The following RBFOX1 variants were observed in gnomAD, a reference collection of about 807,000 sequenced individuals.
RBFOX1 encodes RNA binding fox-1 homolog 1.
In RBFOX1, 8 loss-of-function variants were observed where a neutral mutation model predicts 57.7. That is an observed-to-expected ratio of 0.14 (90% CI 0.08 to 0.25). RBFOX1 has a LOEUF of 0.25. Among genes scored for constraint, RBFOX1 ranks in the 10% least tolerant of loss-of-function variants. The pLI is 1.00. For missense variants in RBFOX1, 611 were observed against 548.5 expected, an observed-to-expected ratio of 1.11 and a Z score of -1.14; for synonymous variants, 326 against 222.4, an observed-to-expected ratio of 1.47 and a Z score of -4.15.
intron 2 of RBFOX1, among the ~76,000 whole-genome samples, chr16:6,571,864 A>T (rs1217869687): frequency 6.6e-6 from 1 of 152,152 alleles, no homozygotes; most frequent in Admixed American, 6.5e-5. Flanking sequence ...ATTGAGGATG[A>T]TATTTCTTTT....
intron 3 of RBFOX1, among the ~76,000 whole-genome samples, chr16:6,756,399 G>C (rs1381863636): frequency 6.6e-6 from 1 of 152,070 alleles, no homozygotes; most frequent in Admixed American, 6.5e-5. Context: ...TTAAGACACT[G>C]GCCTAGGCAA....
chr16:6,897,527 C>T (rs947836905), intron 3 of RBFOX1, among the ~76,000 whole-genome samples: 3 of 152,234 alleles, frequency 2.0e-5, no homozygotes, highest in African/African-American at 7.2e-5. Context: ...GGTGCAGTGG[C>T]TCACGCCTGT....
intron 4 of RBFOX1, among the ~76,000 whole-genome samples, chr16:7,287,501 C>T (rs374965551): frequency 3.3e-5 from 5 of 152,278 alleles, no homozygotes; most frequent in African/African-American, 1.2e-4. Context: ...CTGTATTCCC[C>T]ACAGGCCATG....
At chr16:5,772,684 A>G (rs992554678) in intron 3 of RBFOX1, among the ~76,000 whole-genome samples, 1 of 152,170 alleles carries the variant, frequency 6.6e-6, no homozygotes, top group Admixed American at 6.6e-5. Flanking sequence ...AGGAGAAACG[A>G]TAGTTTGGAC....
chr16:6,961,363 A>T (rs1264076660), intron 3 of RBFOX1, among the ~76,000 whole-genome samples: 1 of 152,124 alleles, frequency 6.6e-6, no homozygotes, highest in Non-Finnish European at 1.5e-5. Context: ...ACCGTGTTCA[A>T]ACTGTAGTAA....
intron 3 of RBFOX1, among the ~76,000 whole-genome samples, chr16:6,956,118 C>T (rs966104323): frequency 6.6e-6 from 1 of 152,012 alleles, no homozygotes; most frequent in Non-Finnish European, 1.5e-5. Context: ...GCCACAGAGG[C>T]TGGAGTTGTA....
At chr16:6,068,166 T>C (rs1208535595) in intron 1 of RBFOX1, among the ~76,000 whole-genome samples, 1 of 152,208 alleles carries the variant, frequency 6.6e-6, no homozygotes. Context: ...GTGTTTCTTA[T>C]ACGTCTGCTC....
chr16:6,709,296 T>G (rs1162195986), intron 3 of RBFOX1, among the ~76,000 whole-genome samples: 1 of 152,192 alleles, frequency 6.6e-6, no homozygotes, highest in East Asian at 1.9e-4. Context: ...AAGACAGATC[T>G]GAAAGGCAAG....
At chr16:6,249,981 A>G (rs1214774516) in intron 1 of RBFOX1, among the ~76,000 whole-genome samples, 1 of 152,040 alleles carries the variant, frequency 6.6e-6, no homozygotes, top group Non-Finnish European at 1.5e-5. Flanking sequence ...GTGGAGCAGG[A>G]AATGGCTTGT....
At chr16:7,225,905 A>AATCAATAAATAT (rs1555600462) in intron 4 of RBFOX1, among the ~76,000 whole-genome samples, 1 of 93,752 alleles carries the variant, frequency 1.1e-5, no homozygotes, top group African/African-American at 4.8e-5. Flanking sequence ...AAGTATAATA[A>AATCAATAAATAT]ATATATATAT....
intron 3 of RBFOX1, among the ~76,000 whole-genome samples, chr16:7,029,040 A>C (rs1227135788): frequency 1.6e-5 from 2 of 127,738 alleles, no homozygotes; most frequent in South Asian, 4.6e-4. Flanking sequence ...AACAGAAAAA[A>C]AAAAGCTATA....
chr16:6,970,775 C>G (rs956488109), intron 3 of RBFOX1, among the ~76,000 whole-genome samples: 1 of 152,174 alleles, frequency 6.6e-6, no homozygotes, highest in Non-Finnish European at 1.5e-5. Flanking sequence ...CCCCCTTTAA[C>G]CTGAATTGGG....
intron 1 of RBFOX1, among the ~76,000 whole-genome samples, chr16:5,431,958 G>A (rs565787296): frequency 6.6e-6 from 1 of 152,268 alleles, no homozygotes; most frequent in African/African-American, 2.4e-5. Flanking sequence ...CTTTTTGGGG[G>A]TGTTGAGGGG....
intron 4 of RBFOX1, among the ~76,000 whole-genome samples, chr16:7,486,556 C>G (rs1266666095): frequency 1.3e-5 from 2 of 152,080 alleles, no homozygotes; most frequent in African/African-American, 4.8e-5. Flanking sequence ...CAGCATCTCC[C>G]CTGTAGAGTG....
chr16:6,008,878 G>T (rs1056526104), intron 4 of RBFOX1, among the ~76,000 whole-genome samples: 2 of 152,152 alleles, frequency 1.3e-5, no homozygotes, highest in Admixed American at 1.3e-4. Flanking sequence ...AAGCAAGCTC[G>T]TCTTAGAGCT....
intron 1 of RBFOX1, among the ~76,000 whole-genome samples, chr16:6,243,626 C>T (rs1020662587): frequency 6.6e-6 from 1 of 152,168 alleles, no homozygotes; most frequent in African/African-American, 2.4e-5. Flanking sequence ...CCTCAGATTC[C>T]CCTGTGGCCC....
intron 3 of RBFOX1, among the ~76,000 whole-genome samples, chr16:6,964,981 C>G (rs762420657): frequency 1.3e-5 from 2 of 152,150 alleles, no homozygotes; most frequent in Admixed American, 6.5e-5. Flanking sequence ...GTGGCCTATC[C>G]TACGTGCTTC....
At chr16:6,122,181 C>T (rs946277696) in intron 1 of RBFOX1, among the ~76,000 whole-genome samples, 1 of 152,156 alleles carries the variant, frequency 6.6e-6, no homozygotes, top group Non-Finnish European at 1.5e-5. Context: ...GCTGGGATTA[C>T]AGGCGTGAGC....
chr16:7,495,452 C>G (rs796287126), intron 4 of RBFOX1, among the ~76,000 whole-genome samples: 7 of 152,316 alleles, frequency 4.6e-5, no homozygotes, highest in African/African-American at 1.7e-4. Flanking sequence ...TATCAGCCAT[C>G]CTTTTTCTCT....
Sources: gnomAD v4.1 joint callset for allele counts (sites outside exome capture counted in the v4.1 genomes callset) on GRCh38, gnomAD v4.1.1 for gene constraint, MANE v1.5 for transcripts, NCBI Gene and HGNC (gene_info 2026-07-23, HGNC 2026-07-21) for gene names.